The following SNX9 variants were observed in gnomAD, a reference collection of about 807,000 sequenced individuals.
SNX9 encodes the protein sorting nexin 9.
A neutral mutation model predicts 89.4 loss-of-function variants in SNX9; 44 were observed. The observed-to-expected ratio is 0.49, with a 90% CI of 0.39 to 0.63. The LOEUF (loss-of-function observed/expected upper bound fraction) is 0.63, where lower values mean the gene tolerates loss of function less well. Ranked by LOEUF, SNX9 falls within the 30% of genes least tolerant of loss-of-function variation. The pLI, the probability that SNX9 is intolerant of heterozygous loss-of-function variation, is 0.00. For missense variants in SNX9, 578 were observed against 736.1 expected, an observed-to-expected ratio of 0.79 and a Z score of 2.49; for synonymous variants, 236 against 247.8, an observed-to-expected ratio of 0.95 and a Z score of 0.45.
At chr6:157,897,941 A>G (rs924304073) in intron 5 of SNX9, among the ~76,000 whole-genome samples, 1 of 152,194 alleles carries the variant, frequency 6.6e-6, no homozygotes, top group Non-Finnish European at 1.5e-5. Context: ...CCATCCCACC[A>G]GGAGTCACCT....
intron 9 of SNX9, among the ~76,000 whole-genome samples, chr6:157,919,291 T>C (rs547478325): frequency 5.3e-5 from 8 of 152,330 alleles, no homozygotes; most frequent in African/African-American, 9.6e-5. Context: ...GCATGATCAG[T>C]CATTCAGATA....
chr6:157,889,284 A>G (rs2115155685), intron 4 of SNX9, among the ~76,000 whole-genome samples: 2 of 152,158 alleles, frequency 1.3e-5, no homozygotes, highest in East Asian at 1.9e-4. Flanking sequence ...TACAAAAATT[A>G]GCTGGGTGTG....
chr6:157,832,389 A>G (rs866897054), intron 1 of SNX9, among the ~76,000 whole-genome samples: 11 of 152,180 alleles, frequency 7.2e-5, no homozygotes, highest in South Asian at 2.1e-4. Flanking sequence ...CTTGTACTCA[A>G]AGGGCACAAT....
chr6:157,857,088 C>G (rs768072363), intron 1 of SNX9, among the ~76,000 whole-genome samples: 1 of 152,018 alleles, frequency 6.6e-6, no homozygotes, highest in Non-Finnish European at 1.5e-5. Context: ...AATTCATTTC[C>G]TACCATTCTA....
rs1276006646 is a variant in SNX9 at position 157,938,615 on chromosome 6, G to GCATTTTATATTT, written c.1534-15_1534-4dup. 24 of 1,522,536 alleles carry GCATTTTATATTT rather than the reference G, an allele frequency of 1.6e-5. No individual in the cohort carries two copies. Among genetic ancestry groups the GCATTTTATATTT allele is most frequent in the Non-Finnish European group, 2.2e-5 (24 of 1,097,814 alleles). The allele number at this position is 1,522,536 out of a possible 1,614,324, so 94.3% of individuals were successfully genotyped here. The stretch of plus-strand genomic sequence containing the variant: ...TCATTTCAGCTTTATTCATACTGTT[G>GCATTTTATATTT]CATTTTATATTTCACAGGGAGCAAT... On this transcript the variant is annotated splice_polypyrimidine_tract_variant and intron_variant, in intron 15 of 17. Coordinates refer to ENST00000392185, the MANE Select transcript of SNX9 (RefSeq NM_016224.5).
Position 157,938,805 on chromosome 6 carries a change from T to C in SNX9, c.1648+58T>C. The C allele has an allele frequency of 3.0e-6, 4 of 1,314,162 alleles. No homozygotes were observed. The East Asian group carries it at 9.3e-5, about 30-fold the overall frequency. 81.4% of individuals were successfully genotyped at this position (1,314,162 alleles called of 1,614,324 possible). On this transcript the variant is annotated intron_variant, in intron 16 of 17. Coordinates refer to ENST00000392185, the MANE Select transcript of SNX9 (RefSeq NM_016224.5). The stretch of plus-strand genomic sequence containing the variant: ...GGAAGTTTTTTTTTCCCCAGCAAAG[T>C]TTCCCTTGATAGAGAGAAATCCAGA...
chr6:157,940,448 C>T (rs765644182), intron 16 of SNX9, among the ~76,000 whole-genome samples: 2 of 152,204 alleles, frequency 1.3e-5, no homozygotes, highest in African/African-American at 2.4e-5. Context: ...GAGACAGTCT[C>T]GCTCTGTCAC....
At chr6:157,907,684 G>A (rs577781684) in intron 7 of SNX9, among the ~76,000 whole-genome samples, 6 of 152,328 alleles carry the variant, frequency 3.9e-5, no homozygotes, top group African/African-American at 1.2e-4. Flanking sequence ...AAGTAGAACT[G>A]CACCCATGCA....
At chr6:157,896,439 C>T (rs894605084) in intron 4 of SNX9, among the ~76,000 whole-genome samples, 6 of 152,028 alleles carry the variant, frequency 3.9e-5, no homozygotes, top group Admixed American at 1.3e-4. Flanking sequence ...AAATATAAAG[C>T]AGTTGTTTGT....
At chr6:157,826,784 TATTA>T (rs1168144415) in intron 1 of SNX9, among the ~76,000 whole-genome samples, 9,450 of 116,676 alleles carry the variant, frequency 0.081, 516 homozygotes, top group Non-Finnish European at 0.1. Flanking sequence ...AAATATATTA[TATTA>T]TATATATATA....
chr6:157,939,972 G>A (rs1402693536), intron 16 of SNX9, among the ~76,000 whole-genome samples: 1 of 151,978 alleles, frequency 6.6e-6, no homozygotes, highest in Non-Finnish European at 1.5e-5. Flanking sequence ...CAGGGGCAGG[G>A]GGGACAGAGA....
intron 17 of SNX9, among the ~76,000 whole-genome samples, chr6:157,941,400 G>T (rs1022638224): frequency 6.6e-6 from 1 of 152,174 alleles, no homozygotes; most frequent in African/African-American, 2.4e-5. Flanking sequence ...TGTGAATGAG[G>T]TTTTCACAGT....
At chr6:157,838,879 C>G (rs1190363689) in intron 1 of SNX9, among the ~76,000 whole-genome samples, 1 of 152,188 alleles carries the variant, frequency 6.6e-6, no homozygotes, top group Admixed American at 6.5e-5. Flanking sequence ...ACATTCGAGG[C>G]AAGTAGTCTG....
intron 4 of SNX9, among the ~76,000 whole-genome samples, chr6:157,881,703 G>C (rs546879525): frequency 6.6e-5 from 10 of 152,330 alleles, no homozygotes; most frequent in Non-Finnish European, 1.0e-4. Flanking sequence ...CTGGGTAGAA[G>C]ATCAAACAGG....
At chr6:157,908,115 A>G (rs1025596299) in intron 7 of SNX9, among the ~76,000 whole-genome samples, 7 of 151,804 alleles carry the variant, frequency 4.6e-5, no homozygotes, top group Non-Finnish European at 7.4e-5. Flanking sequence ...AGGACTGGGT[A>G]TACCTTTTTT....
intron 1 of SNX9, among the ~76,000 whole-genome samples, chr6:157,862,283 GTTTC>G (rs1361809023): frequency 6.6e-6 from 1 of 152,134 alleles, no homozygotes; most frequent in Non-Finnish European, 1.5e-5. Context: ...AGTAAGTTCT[GTTTC>G]TTCTGATGAT....
At chr6:157,913,205 A>G (rs1583233524) in intron 9 of SNX9, among the ~76,000 whole-genome samples, 1 of 152,162 alleles carries the variant, frequency 6.6e-6, no homozygotes. Flanking sequence ...ATGCTTTAGT[A>G]CAATGATGGT....
chr6:157,944,106 C>T lies in SNX9; in HGVS notation c.*1268C>T, dbSNP rs1784095936. 1 of 152,280 alleles carries T rather than the reference C, an allele frequency of 6.6e-6. No homozygotes were observed. The highest frequency in any genetic ancestry group is 1.5e-5 in the Non-Finnish European group (1 of 68,072). The allele number at this position is 152,280 out of a possible 1,614,324, so 9.4% of individuals were successfully genotyped here. A position where few individuals can be genotyped will look rare whatever the true frequency, so the allele number is the denominator to read the frequency against. On this transcript the variant is annotated 3_prime_UTR_variant, in exon 18 of 18. Coordinates refer to ENST00000392185, the MANE Select transcript of SNX9 (RefSeq NM_016224.5). ...ACAGGACCTTGGCACACCGTCAGCT[C>T]GAACTCAACACTGGCAGCCACCGTC...
chr6:157,919,265 G>A (rs1399721889), intron 9 of SNX9, among the ~76,000 whole-genome samples: 2 of 152,244 alleles, frequency 1.3e-5, no homozygotes, highest in South Asian at 2.1e-4. Flanking sequence ...TTTATCTCAC[G>A]TGCCCACTCT....
Sources: allele counts gnomAD v4.1 joint callset (sites outside exome capture counted in the v4.1 genomes callset), GRCh38; gene constraint gnomAD v4.1.1; transcripts MANE v1.5; gene names NCBI Gene and HGNC (gene_info 2026-07-23, HGNC 2026-07-21).